TMEM132D: variants seen among roughly 807,000 people sequenced by gnomAD.
TMEM132D encodes mature OL transmembrane protein.
A neutral mutation model predicts 62.3 loss-of-function variants in TMEM132D; 21 were observed. The observed-to-expected ratio is 0.34, with a 90% CI of 0.24 to 0.49. The LOEUF is 0.49. Ranked by LOEUF, TMEM132D falls within the 20% of genes least tolerant of loss-of-function variation. The pLI is 0.99. For synonymous variants in TMEM132D, 621 were observed against 575.6 expected (o/e 1.08, Z -1.13); for missense variants, 1,346 against 1,402.8 (o/e 0.96, Z 0.65).
intron 2 of TMEM132D, among the ~76,000 whole-genome samples, chr12:129,613,772 C>T (rs552973902): frequency 6.6e-6 from 1 of 152,096 alleles, no homozygotes; most frequent in African/African-American, 2.4e-5. Context: ...GTCTCCAGAA[C>T]CAAGGTGACT....
intron 4 of TMEM132D, among the ~76,000 whole-genome samples, chr12:129,307,424 G>T (rs1212808056): frequency 6.6e-6 from 1 of 152,150 alleles, no homozygotes; most frequent in Non-Finnish European, 1.5e-5. Context: ...CAAACCTGGA[G>T]ATTTCTTTTC....
chr12:129,141,947 A>T (rs1299338049), intron 5 of TMEM132D, among the ~76,000 whole-genome samples: 1 of 149,682 alleles, frequency 6.7e-6, no homozygotes, highest in Non-Finnish European at 1.5e-5. Flanking sequence ...AAAAAACCCC[A>T]AAACTCTAAT....
At chr12:129,143,206 C>T (rs1391416830) in intron 5 of TMEM132D, among the ~76,000 whole-genome samples, 2 of 152,260 alleles carry the variant, frequency 1.3e-5, no homozygotes, top group Middle Eastern at 6.8e-3. Flanking sequence ...GGGGTTTCCA[C>T]CATCCCCTCT....
At chr12:129,418,547 C>T (rs779858437) in intron 3 of TMEM132D, among the ~76,000 whole-genome samples, 1 of 151,948 alleles carries the variant, frequency 6.6e-6, no homozygotes, top group African/African-American at 2.4e-5. Context: ...ACATCACACA[C>T]CGGGGCCTGT....
At chr12:129,611,357 T>C (rs1878769871) in intron 2 of TMEM132D, among the ~76,000 whole-genome samples, 2 of 152,212 alleles carry the variant, frequency 1.3e-5, no homozygotes, top group Non-Finnish European at 2.9e-5. Flanking sequence ...GATTCTGTCA[T>C]TTGGGAAGAA....
At chr12:129,165,848 A>T (rs1877530193) in intron 5 of TMEM132D, among the ~76,000 whole-genome samples, 1 of 152,224 alleles carries the variant, frequency 6.6e-6, no homozygotes, top group African/African-American at 2.4e-5. Context: ...ATAGAAAAAA[A>T]TAAATCACAA....
At chr12:129,110,401 C>G (rs1411499834) in intron 5 of TMEM132D, 3 of 152,072 alleles carry the variant, frequency 2.0e-5, no homozygotes, top group South Asian at 2.1e-4. Context: ...GACCATGAAG[C>G]CTTTTGATTC....
chr12:129,175,209 T>C (rs1203868003), intron 5 of TMEM132D, among the ~76,000 whole-genome samples: 1 of 113,064 alleles, frequency 8.8e-6, no homozygotes, highest in Non-Finnish European at 2.0e-5. Context: ...TGGTTTTGGG[T>C]TTTACATTTG....
intron 1 of TMEM132D, among the ~76,000 whole-genome samples, chr12:129,818,423 ATG>A (rs1248433231): frequency 3.7e-5 from 3 of 82,022 alleles, no homozygotes; most frequent in African/African-American, 1.5e-4. Flanking sequence ...TTAAGTGTGT[ATG>A]TGTGTGGTGG....
intron 6 of TMEM132D, among the ~76,000 whole-genome samples, chr12:129,082,625 C>T (rs1874489945): frequency 6.6e-6 from 1 of 152,218 alleles, no homozygotes; most frequent in Non-Finnish European, 1.5e-5. Context: ...GATGGGACCC[C>T]AGCCCCACTG....
At chr12:129,456,514 G>A (rs1420066797) in intron 3 of TMEM132D, among the ~76,000 whole-genome samples, 2 of 152,118 alleles carry the variant, frequency 1.3e-5, no homozygotes, top group Non-Finnish European at 2.9e-5. Context: ...GATTCTTCCA[G>A]GGGCAAATGG....
chr12:129,861,412 C>G (rs1271357983), intron 1 of TMEM132D, among the ~76,000 whole-genome samples: 4 of 152,142 alleles, frequency 2.6e-5, no homozygotes, highest in Non-Finnish European at 5.9e-5. Flanking sequence ...AATGAAAGCC[C>G]ACCAGGTTAG....
At position 129,213,642 on chromosome 12, in the gene TMEM132D, G is replaced by T. The variant is rs148573398; in HGVS notation, c.1300-3979C>A. Among the ~76,000 whole-genome samples the T allele has an allele frequency of 1.1e-4, 16 of 152,334 alleles. No homozygotes were observed. In the East Asian group the frequency reaches 2.7e-3, roughly 26 times the overall value. ...AGCCTTGTGGAGGAGGGCGAAGGGAGCAGGCATGTGCAGAGATCACCTAGT... is the reference window on the plus strand; with the variant it reads ...AGCCTTGTGGAGGAGGGCGAAGGGATCAGGCATGTGCAGAGATCACCTAGT... On this transcript the variant is annotated intron_variant, in intron 4 of 8. Coordinates refer to ENST00000422113, the MANE Select transcript of TMEM132D (RefSeq NM_133448.3).
intron 3 of TMEM132D, among the ~76,000 whole-genome samples, chr12:129,506,768 A>G (rs1875343549): frequency 6.6e-6 from 1 of 152,190 alleles, no homozygotes; most frequent in Non-Finnish European, 1.5e-5. Flanking sequence ...AGAAGATAAC[A>G]TCAGAAAAAC....
At chr12:129,516,239 G>A (rs1875670396) in intron 3 of TMEM132D, among the ~76,000 whole-genome samples, 2 of 152,094 alleles carry the variant, frequency 1.3e-5, no homozygotes, top group South Asian at 4.1e-4. Flanking sequence ...TCACTCCAGG[G>A]GATCTGACCC....
At chr12:129,129,704 C>T (rs542463483) in intron 5 of TMEM132D, among the ~76,000 whole-genome samples, 1 of 152,258 alleles carries the variant, frequency 6.6e-6, no homozygotes, top group African/African-American at 2.4e-5. Context: ...GAGATGAAAT[C>T]TCATTGTGGC....
intron 2 of TMEM132D, among the ~76,000 whole-genome samples, chr12:129,660,684 G>T (rs1423375243): frequency 2.6e-5 from 4 of 152,034 alleles, no homozygotes; most frequent in Non-Finnish European, 5.9e-5. Flanking sequence ...ATGTGCGGGG[G>T]GTACAGGAGC....
chr12:129,215,661 T>C (rs1049818340), intron 4 of TMEM132D, among the ~76,000 whole-genome samples: 1 of 152,172 alleles, frequency 6.6e-6, no homozygotes, highest in Non-Finnish European at 1.5e-5. Flanking sequence ...TAGTGAACTA[T>C]TAATAGTTAA....
intron 2 of TMEM132D, among the ~76,000 whole-genome samples, chr12:129,679,359 T>C (rs1880723668): frequency 6.6e-6 from 1 of 152,102 alleles, no homozygotes; most frequent in South Asian, 2.1e-4. Context: ...TATTTTTCTA[T>C]AACACAGGAT....
Sources: gnomAD v4.1 joint callset for allele counts (sites outside exome capture counted in the v4.1 genomes callset) on GRCh38, gnomAD v4.1.1 for gene constraint, MANE v1.5 for transcripts, NCBI Gene and HGNC (gene_info 2026-07-23, HGNC 2026-07-21) for gene names.